Variants in PTPRS observed in about 807,000 individuals in gnomAD.
PTPRS encodes protein tyrosine phosphatase receptor type S.
In PTPRS, 63 loss-of-function variants were observed where a neutral mutation model predicts 215.3. The ratio of observed to expected loss-of-function variants is 0.29; its 90% confidence interval spans 0.24 to 0.36. The LOEUF is 0.36. Among genes scored for constraint, PTPRS ranks in the 10% least tolerant of loss-of-function variants. PTPRS has a pLI of 1.00. For synonymous variants in PTPRS, 1,404 were observed against 1,191.4 expected, an observed-to-expected ratio of 1.18 and a Z score of -3.68; for missense variants, 2,258 against 2,825.8, an observed-to-expected ratio of 0.80 and a Z score of 4.56.
chr19:5,331,800 C>T (rs796203482), intron 1 of PTPRS, among the ~76,000 whole-genome samples: 2 of 152,302 alleles, frequency 1.3e-5, no homozygotes, highest in African/African-American at 4.8e-5. Context: ...CTTCCTTCTA[C>T]GCAGTATTTA....
At chr19:5,219,575 T>G (rs2145289907) in intron 22 of PTPRS, 108 bp from the exon 23 acceptor site, 1 of 1,338,370 alleles carries the variant, frequency 7.5e-7, no homozygotes, top group East Asian at 2.5e-5. Context: ...TAGATCCTCC[T>G]ATATTCCTAG....
intron 16 of PTPRS, among the ~76,000 whole-genome samples, chr19:5,227,939 C>CCCCCCCGCCG (rs1283340206): frequency 6.8e-4 from 104 of 151,888 alleles, no homozygotes; most frequent in African/African-American, 2.3e-3. Context: ...CACACACGCA[C>CCCCCCCGCCG]CCCCCCAAGC....
chr19:5,266,903 C>A (rs769970469), intron 4 of PTPRS, among the ~76,000 whole-genome samples: 124 of 152,242 alleles, frequency 8.1e-4, no homozygotes, highest in African/African-American at 2.9e-3. Flanking sequence ...GTCTACTGAT[C>A]GGAACACCAC....
intron 1 of PTPRS, among the ~76,000 whole-genome samples, chr19:5,311,005 G>A (rs577709417): frequency 3.9e-5 from 6 of 152,240 alleles, no homozygotes; most frequent in Admixed American, 2.0e-4. Flanking sequence ...TCAGCCTCCC[G>A]AGTAGCTGGG....
chr19:5,323,507 T>A (rs2050086572), intron 1 of PTPRS, among the ~76,000 whole-genome samples: 1 of 152,196 alleles, frequency 6.6e-6, no homozygotes, highest in South Asian at 2.1e-4. Flanking sequence ...AAAAGTGACC[T>A]GAGACGTGAA....
chr19:5,253,538 G>C (rs929982924), intron 9 of PTPRS, among the ~76,000 whole-genome samples: 2 of 152,126 alleles, frequency 1.3e-5, no homozygotes, highest in African/African-American at 4.8e-5. Flanking sequence ...TGTGGCCACA[G>C]AACTTCCTAG....
At chr19:5,238,696 A>AG (rs1348942328) in intron 13 of PTPRS, among the ~76,000 whole-genome samples, 2 of 152,348 alleles carry the variant, frequency 1.3e-5, no homozygotes, top group Middle Eastern at 3.4e-3. Context: ...CACCAGGCCC[A>AG]GGGGCACAGA....
chr19:5,221,674 A>C (rs2041991548), intron 19 of PTPRS, among the ~76,000 whole-genome samples: 1 of 151,872 alleles, frequency 6.6e-6, no homozygotes, highest in African/African-American at 2.4e-5. Flanking sequence ...ACTGAACCTC[A>C]ATCCCAGGCT....
In PTPRS at chr19:5,218,289, A is replaced by C. The variant is rs75249204; in HGVS notation, c.4048+131T>G. On this transcript the variant is annotated intron_variant, in intron 25 of 37. Transcript: ENST00000262963. ...CCATGTAGGGTTGGAGGTATTTGGG[A>C]ATCCAGAATGTGGCTGCACCAAGCA... The C allele has an allele frequency of 4.7e-4, 362 of 763,656 alleles. 1 individual carries two copies. Among genetic ancestry groups the C allele is most frequent in the South Asian group, 9.8e-4 (58 of 59,002 alleles). The allele number at this position is 763,656 out of a possible 1,614,324, so 47.3% of individuals were successfully genotyped here.
In PTPRS at chr19:5,222,115, A is replaced by C. The variant is rs1251282627; in HGVS notation, c.3201+8T>G. The stretch of plus-strand genomic sequence containing the variant: ...CTGCCTGCCTGCCTGCTGGCTGGGC[A>C]GTCGCACCTTGTAGGGTGTGGGTGA... On this transcript the variant is annotated splice_region_variant and intron_variant, in intron 19 of 37. Transcript: ENST00000262963. 6 of 1,609,146 alleles carry C rather than the reference A, an allele frequency of 3.7e-6. No individual in the cohort carries two copies. Among genetic ancestry groups the C allele is most frequent in the African/African-American group, 1.3e-5 (1 of 74,824 alleles).
At chr19:5,252,834 A>G (rs2045244379) in intron 9 of PTPRS, among the ~76,000 whole-genome samples, 1 of 144,940 alleles carries the variant, frequency 6.9e-6, no homozygotes, top group Non-Finnish European at 1.5e-5. Flanking sequence ...GATCACGTCA[A>G]TGCACTCCAG....
At chr19:5,334,432 C>T (rs992945814) in intron 1 of PTPRS, among the ~76,000 whole-genome samples, 1 of 152,234 alleles carries the variant, frequency 6.6e-6, no homozygotes, top group African/African-American at 2.4e-5. Flanking sequence ...CTAACAATCC[C>T]TCAAGGTGGG....
In PTPRS at chr19:5,244,615, T is replaced by C; in HGVS notation, c.989-133A>G. 2 of 696,052 alleles carry C rather than the reference T, an allele frequency of 2.9e-6. No individual in the cohort carries two copies. Among genetic ancestry groups the C allele is most frequent in the Middle Eastern group, 5.7e-4 (2 of 3,514 alleles). The allele number at this position is 696,052 out of a possible 1,614,324, so 43.1% of individuals were successfully genotyped here. Reference sequence around the variant, plus strand: ...CAGCAGTAATCATGGGCCTCATGACTCCTGTCATCGTCTACAGCAAGGGGT... The same window carrying C: ...CAGCAGTAATCATGGGCCTCATGACCCCTGTCATCGTCTACAGCAAGGGGT... On this transcript the variant is annotated intron_variant, in intron 10 of 37. Transcript: ENST00000262963. The surrounding 1 kb of genome is among the most constrained non-coding windows in gnomAD (Gnocchi z 7.2).
rs527541545 is a variant in PTPRS, at chr19:5,218,347, G to A, written c.4048+73C>T. On this transcript the variant is annotated intron_variant, in intron 25 of 37. Coordinates refer to ENST00000262963, the MANE Select transcript of PTPRS (RefSeq NM_002850.4). ...GAGGGGGCCAATGAGGGGCCCCCAGGGTGGCAGCTACTGCTTCTCCCCAGC... is the reference window on the plus strand; with the variant it reads ...GAGGGGGCCAATGAGGGGCCCCCAGAGTGGCAGCTACTGCTTCTCCCCAGC... The A allele has an allele frequency of 6.1e-5, 86 of 1,412,220 alleles. No homozygotes were observed. The African/African-American group carries it at 1.1e-3, about 19-fold the overall frequency. The allele number at this position is 1,412,220 out of a possible 1,614,324, so 87.5% of individuals were successfully genotyped here.
At chr19:5,256,602 C>G (rs1479436900) in intron 8 of PTPRS, among the ~76,000 whole-genome samples, 1 of 152,164 alleles carries the variant, frequency 6.6e-6, no homozygotes. Context: ...TTACAAACCC[C>G]CATCCCAGGT....
intron 16 of PTPRS, among the ~76,000 whole-genome samples, chr19:5,227,463 G>A (rs1359263834): frequency 6.6e-6 from 1 of 150,550 alleles, no homozygotes; most frequent in Non-Finnish European, 1.5e-5. Context: ...TGCCCAGGCT[G>A]GAGTGCAATG....
intron 16 of PTPRS, among the ~76,000 whole-genome samples, 166 bp downstream of exon 16, chr19:5,229,150 C>A (rs1193732369): frequency 6.6e-6 from 1 of 152,192 alleles, no homozygotes; most frequent in Non-Finnish European, 1.5e-5. Flanking sequence ...GTGCAAACAT[C>A]GAGGCTGGGC....
chr19:5,261,645 A>G (rs1353067789), intron 6 of PTPRS, among the ~76,000 whole-genome samples: 1 of 152,170 alleles, frequency 6.6e-6, no homozygotes, highest in Non-Finnish European at 1.5e-5. Context: ...CAGACACGTG[A>G]AAAAGCAGCT....
At position 5,274,360 on chromosome 19, in the gene PTPRS, A is replaced by G; in HGVS notation, c.92-16T>C. 3 of 1,519,770 alleles carry G rather than the reference A, an allele frequency of 2.0e-6. No individual in the cohort carries two copies. The highest frequency in any genetic ancestry group is 1.4e-5 in the African/African-American group (1 of 71,880). The allele number at this position is 1,519,770 out of a possible 1,614,324, so 94.1% of individuals were successfully genotyped here. On this transcript the variant is annotated splice_polypyrimidine_tract_variant and intron_variant, in intron 2 of 37. Transcript: ENST00000262963. The stretch of plus-strand genomic sequence containing the variant: ...CTGGGGGGCTCTGGGGATACAGTGG[A>G]AAGAAGGGGGGGCGCTGATGGGTCC...
Sources: allele counts gnomAD v4.1 joint callset (sites outside exome capture counted in the v4.1 genomes callset), GRCh38; gene constraint gnomAD v4.1.1; non-coding constraint Gnocchi (gnomAD v3.1); transcripts MANE v1.5; gene names NCBI Gene and HGNC (gene_info 2026-07-23, HGNC 2026-07-21).